MOBP: variants seen among roughly 807,000 people sequenced by gnomAD.
The protein encoded by MOBP is myelin-associated oligodendrocyte basic protein.
Under a neutral mutation model 15.0 loss-of-function variants are expected in MOBP, and 5 were observed. The ratio of observed to expected loss-of-function variants is 0.33; its 90% CI spans 0.17 to 0.70. MOBP has a LOEUF of 0.70. Among genes scored for constraint, MOBP ranks in the 30% least tolerant of loss-of-function variants. The probability of loss-of-function intolerance (pLI) is 0.67; values close to 1 mark genes in which losing one functional copy is unlikely to be tolerated. For missense variants in MOBP, 188 were observed against 257.8 expected, an observed-to-expected ratio of 0.73 and a Z score of 1.85; for synonymous variants, 88 against 99.0, an observed-to-expected ratio of 0.89 and a Z score of 0.66.
chr3:39,503,778 T>C (rs955550559), downstream of MOBP, among the ~76,000 whole-genome samples: 2 of 152,164 alleles, frequency 1.3e-5, no homozygotes, highest in Non-Finnish European at 2.9e-5. Flanking sequence ...TTAATTGTAT[T>C]TGAGATTCTC....
intron 4 of MOBP, among the ~76,000 whole-genome samples, chr3:39,510,799 T>G (rs1053646938): frequency 1.3e-5 from 2 of 152,238 alleles, no homozygotes; most frequent in African/African-American, 4.8e-5. Flanking sequence ...TTGTATATGT[T>G]TCGAACTGCT....
intron 2 of MOBP, among the ~76,000 whole-genome samples, chr3:39,498,270 A>G (rs2042914445): frequency 1.3e-5 from 2 of 152,242 alleles, no homozygotes; most frequent in African/African-American, 4.8e-5. Context: ...CTGCTTAAGC[A>G]GGTACCCCAA....
chr3:39,501,765 GT>G (rs1421271268), intron 2 of MOBP, among the ~76,000 whole-genome samples: 1 of 152,040 alleles, frequency 6.6e-6, no homozygotes, highest in Non-Finnish European at 1.5e-5. Flanking sequence ...GATATGTTTG[GT>G]TTTAAATGTT....
At chr3:39,472,092 G>A (rs751922189) in intron 1 of MOBP, among the ~76,000 whole-genome samples, 44 of 152,248 alleles carry the variant, frequency 2.9e-4, no homozygotes, top group Non-Finnish European at 5.3e-4. Context: ...TCCTTTGTAA[G>A]TAAGAGAACC....
downstream of MOBP, among the ~76,000 whole-genome samples, chr3:39,504,142 G>A (rs1001178156): frequency 1.3e-5 from 2 of 152,222 alleles, no homozygotes; most frequent in Non-Finnish European, 2.9e-5. Context: ...GATTAGGCAA[G>A]TTTAATTTGT....
At chr3:39,494,661 C>T (rs2042849506) in intron 2 of MOBP, among the ~76,000 whole-genome samples, 1 of 151,816 alleles carries the variant, frequency 6.6e-6, no homozygotes, top group Non-Finnish European at 1.5e-5. Context: ...AAAAACTCAG[C>T]AGGATTAGAT....
At chr3:39,527,308 A>G (rs1183678663), downstream of MOBP, 3 of 152,242 alleles carry the variant, frequency 2.0e-5, no homozygotes, top group Non-Finnish European at 4.4e-5. Context: ...GAGAAAAAAT[A>G]TAAAGAGAAT....
At position 39,502,366 on chromosome 3, in the gene MOBP, C is replaced by A; in HGVS notation, c.206+91C>A. ...CCCTCCCGCTCCGCACCCCACTCTT[C>A]CCCCTAGTCGGCTCCGGGTTAGGCT... On this transcript the variant is annotated intron_variant, in intron 3 of 3. Coordinates refer to ENST00000684792, the MANE Select transcript of MOBP (RefSeq NM_001393704.1). The surrounding 1 kb of genome is among the most constrained non-coding windows in gnomAD (Gnocchi z 6.3). 1.3e-6 allele frequency: 2 copies of A among 1,575,216 alleles called. No homozygotes were observed. The highest frequency in any genetic ancestry group is 2.3e-5 in the South Asian group (2 of 86,750).
At chr3:39,497,762 A>G (rs2042908312) in intron 2 of MOBP, among the ~76,000 whole-genome samples, 1 of 152,258 alleles carries the variant, frequency 6.6e-6, no homozygotes, top group African/African-American at 2.4e-5. Context: ...AATAAAACAA[A>G]TTCAATTTAA....
chr3:39,468,861 GTATA>G (rs1170895405), intron 1 of MOBP, among the ~76,000 whole-genome samples: 1 of 115,724 alleles, frequency 8.6e-6, no homozygotes, highest in South Asian at 2.6e-4. Context: ...ACATGAGTGT[GTATA>G]TATACATATA....
At chr3:39,473,618 T>C (rs1032815250) in intron 1 of MOBP, among the ~76,000 whole-genome samples, 3 of 152,108 alleles carry the variant, frequency 2.0e-5, no homozygotes, top group African/African-American at 7.2e-5. Flanking sequence ...TGAATTTGGG[T>C]TCTGGATTGG....
downstream of MOBP, among the ~76,000 whole-genome samples, chr3:39,507,103 G>A (rs1034583594): frequency 6.6e-6 from 1 of 152,142 alleles, no homozygotes; most frequent in African/African-American, 2.4e-5. Flanking sequence ...GCCTTCTCTT[G>A]TGGTTTTAAT....
chr3:39,520,537 AGTGT>A (rs5848515), downstream of MOBP, among the ~76,000 whole-genome samples: 139 of 144,738 alleles, frequency 9.6e-4, no homozygotes, highest in South Asian at 3.8e-3. Flanking sequence ...TGTGTTCATG[AGTGT>A]GTGTGTGTGT....
At chr3:39,518,934 G>A (rs954043933), downstream of MOBP, among the ~76,000 whole-genome samples, 2 of 152,294 alleles carry the variant, frequency 1.3e-5, no homozygotes, top group South Asian at 4.1e-4. Flanking sequence ...AGCACTCACA[G>A]GGGCATCCTA....
chr3:39,485,608 G>C (rs1285835082), intron 2 of MOBP, among the ~76,000 whole-genome samples: 2 of 152,174 alleles, frequency 1.3e-5, no homozygotes, highest in Admixed American at 1.3e-4. Context: ...TCTTGTAGAA[G>C]CACCCGTGTG....
downstream of MOBP, among the ~76,000 whole-genome samples, chr3:39,520,636 G>A (rs887517431): frequency 2.6e-5 from 4 of 151,856 alleles, no homozygotes; most frequent in African/African-American, 9.7e-5. Flanking sequence ...AAAGAGATTG[G>A]TCTTCCCTTT....
chr3:39,487,728 T>A (rs2042737170), intron 2 of MOBP, among the ~76,000 whole-genome samples: 1 of 151,934 alleles, frequency 6.6e-6, no homozygotes, highest in African/African-American at 2.4e-5. Flanking sequence ...TTCACCGTGT[T>A]AGTCAGGATG....
At chr3:39,513,342 T>A (rs188200484) in intron 4 of MOBP, 2 of 1,577,644 alleles carry the variant, frequency 1.3e-6, no homozygotes, top group South Asian at 2.2e-5. Flanking sequence ...ATACATCACC[T>A]ACCTATGTCA....
intron 1 of MOBP, among the ~76,000 whole-genome samples, chr3:39,478,901 C>T (rs1559415574): frequency 6.6e-6 from 1 of 151,952 alleles, no homozygotes; most frequent in Non-Finnish European, 1.5e-5. Flanking sequence ...ACAATCTCAG[C>T]TCACTGCAAC....
Sources: gnomAD v4.1 joint callset for allele counts (sites outside exome capture counted in the v4.1 genomes callset) on GRCh38, gnomAD v4.1.1 for gene constraint, Gnocchi (gnomAD v3.1) non-coding constraint, MANE v1.5 for transcripts, NCBI Gene and HGNC (gene_info 2026-07-23, HGNC 2026-07-21) for gene names.